Variants in HTR4 observed in about 807,000 individuals in gnomAD.
HTR4 encodes the protein 5-hydroxytryptamine (serotonin) receptor 4, G protein-coupled.
Under a neutral mutation model 36.8 loss-of-function variants are expected in HTR4, and 16 were observed. The observed-to-expected ratio is 0.43, with a 90% CI of 0.29 to 0.66. The LOEUF is 0.66. HTR4 is among the 30% of genes least tolerant of loss of function. The pLI, the probability that HTR4 is intolerant of heterozygous loss-of-function variation, is 0.13. For synonymous variants in HTR4, 189 were observed against 185.1 expected (o/e 1.02, Z -0.17); for missense variants, 438 against 490.9 (o/e 0.89, Z 1.02).
intron 2 of HTR4, among the ~76,000 whole-genome samples, chr5:148,633,997 T>C (rs1218038365): frequency 6.6e-6 from 1 of 152,146 alleles, no homozygotes; most frequent in Non-Finnish European, 1.5e-5. Context: ...AGACACATTG[T>C]AGCAAGGACC....
At chr5:148,595,255 C>G (rs191101044) in intron 2 of HTR4, among the ~76,000 whole-genome samples, 1 of 152,118 alleles carries the variant, frequency 6.6e-6, no homozygotes, top group Non-Finnish European at 1.5e-5. Context: ...GTCAATCCAA[C>G]CAGAAAATAA....
chr5:148,652,647 G>A (rs998491468), intron 1 of HTR4, among the ~76,000 whole-genome samples: 10 of 152,118 alleles, frequency 6.6e-5, no homozygotes, highest in Admixed American at 3.3e-4. Context: ...CCTTCTGCTC[G>A]ATATGAACTG....
At chr5:148,628,561 G>T (rs1753207422) in intron 2 of HTR4, 1 of 152,166 alleles carries the variant, frequency 6.6e-6, no homozygotes, top group Non-Finnish European at 1.5e-5. Flanking sequence ...TGTCTTTGGA[G>T]AGTTGGGAGA....
chr5:148,647,243 T>C (rs1753898838), intron 1 of HTR4, among the ~76,000 whole-genome samples: 1 of 152,242 alleles, frequency 6.6e-6, no homozygotes, highest in Non-Finnish European at 1.5e-5. Context: ...CAGTCTGTCA[T>C]TTTCATAAAT....
intron 6 of HTR4, among the ~76,000 whole-genome samples, chr5:148,502,288 C>T (rs1157019004): frequency 6.6e-6 from 1 of 152,148 alleles, no homozygotes; most frequent in Non-Finnish European, 1.5e-5. Context: ...AGTTACCTCT[C>T]AGAGATGAAG....
intron 2 of HTR4, among the ~76,000 whole-genome samples, chr5:148,627,902 T>G (rs1047490121): frequency 1.3e-5 from 2 of 152,226 alleles, no homozygotes; most frequent in Non-Finnish European, 2.9e-5. Flanking sequence ...TTTTTACCAC[T>G]GTTTTCAAAA....
chr5:148,567,693 A>T (rs781069173), intron 2 of HTR4, among the ~76,000 whole-genome samples: 11 of 152,042 alleles, frequency 7.2e-5, no homozygotes, highest in Non-Finnish European at 1.3e-4. Context: ...TAGAATATTC[A>T]CTTCCAAATA....
At chr5:148,590,439 G>A (rs982883177) in intron 2 of HTR4, among the ~76,000 whole-genome samples, 1 of 151,500 alleles carries the variant, frequency 6.6e-6, no homozygotes, top group African/African-American at 2.4e-5. Context: ...TGGGATTATA[G>A]GCATGCGCCA....
chr5:148,542,824 G>A (rs1431611166), intron 4 of HTR4, among the ~76,000 whole-genome samples: 1 of 152,126 alleles, frequency 6.6e-6, no homozygotes, highest in Non-Finnish European at 1.5e-5. Flanking sequence ...TTTTGTTGTG[G>A]AGGCTCCATA....
At chr5:148,626,585 G>A (rs1464574231) in intron 2 of HTR4, among the ~76,000 whole-genome samples, 1 of 152,164 alleles carries the variant, frequency 6.6e-6, no homozygotes, top group Non-Finnish European at 1.5e-5. Flanking sequence ...GCTCTCATAA[G>A]CTTCCTGAGT....
Position 148,523,297 on chromosome 5 carries a change from G to T in HTR4, c.403C>A (p.Pro135Thr). Residue 135 changes from proline (P) to threonine (T), a missense_variant, in exon 5 of 7, where the codon CCT (proline) becomes ACT (threonine). Transcript: ENST00000377888. ...QPLVYRNKMT[P>T]LRIALMLGGC... The stretch of plus-strand genomic sequence containing the variant: ...CCCAGCATTAATGCGATGCGCAGAG[G>T]GGTCATCTTGTTCCTATAGACCAAA... 6.2e-7 allele frequency: 1 copy of T among 1,613,186 alleles called. No homozygotes were observed. The highest frequency in any genetic ancestry group is 8.5e-7 in the Non-Finnish European group (1 of 1,179,614).
chr5:148,503,591 G>A (rs1347293965), intron 6 of HTR4, among the ~76,000 whole-genome samples: 2 of 152,152 alleles, frequency 1.3e-5, no homozygotes, highest in Admixed American at 1.3e-4. Flanking sequence ...CAACTAACGA[G>A]CAAAATAACC....
chr5:148,598,588 A>C (rs1473606093), intron 2 of HTR4, among the ~76,000 whole-genome samples: 1 of 152,140 alleles, frequency 6.6e-6, no homozygotes, highest in Non-Finnish European at 1.5e-5. Flanking sequence ...TGAGATCAGA[A>C]AAAGTAAAAT....
At chr5:148,615,769 T>C (rs1752655579) in intron 2 of HTR4, among the ~76,000 whole-genome samples, 2 of 151,572 alleles carry the variant, frequency 1.3e-5, no homozygotes, top group Non-Finnish European at 2.9e-5. Flanking sequence ...TGTTAAGTGG[T>C]TAAGTTTCTG....
At chr5:148,633,335 A>G (rs1234922326) in intron 2 of HTR4, among the ~76,000 whole-genome samples, 3 of 152,142 alleles carry the variant, frequency 2.0e-5, no homozygotes, top group Non-Finnish European at 4.4e-5. Flanking sequence ...TTTACCTTAT[A>G]GTTCACAGAG....
chr5:148,599,290 C>G (rs1411778166), intron 2 of HTR4, among the ~76,000 whole-genome samples: 1 of 151,830 alleles, frequency 6.6e-6, no homozygotes, highest in East Asian at 1.9e-4. Context: ...ATGACCGCAA[C>G]CAAGATCAAT....
chr5:148,496,407 T>C (rs934954579), intron 6 of HTR4, among the ~76,000 whole-genome samples: 3 of 151,878 alleles, frequency 2.0e-5, no homozygotes, highest in African/African-American at 7.3e-5. Flanking sequence ...AAGTTGCAAA[T>C]AAGGGAATAT....
chr5:148,625,491 A>T (rs760438363), intron 2 of HTR4, among the ~76,000 whole-genome samples: 71 of 152,184 alleles, frequency 4.7e-4, no homozygotes, highest in Admixed American at 4.2e-3. Flanking sequence ...AATACTTTTC[A>T]ACTTCCCCAC....
chr5:148,646,444 T>C (rs1447509048), intron 1 of HTR4: 1 of 152,230 alleles, frequency 6.6e-6, no homozygotes, highest in East Asian at 1.9e-4. Context: ...CATGTGCTAA[T>C]GATCATATCC....
Sources: gnomAD v4.1 joint callset for allele counts (sites outside exome capture counted in the v4.1 genomes callset) on GRCh38, gnomAD v4.1.1 for gene constraint, MANE v1.5 for transcripts, NCBI Gene and HGNC (gene_info 2026-07-23, HGNC 2026-07-21) for gene names.